BMP5: variants seen among roughly 807,000 people sequenced by gnomAD.
BMP5 encodes the protein bone morphogenetic protein 5.
Under a neutral mutation model 46.6 loss-of-function variants are expected in BMP5, and 23 were observed. The observed-to-expected ratio is 0.49, with a 90% CI of 0.35 to 0.70. The LOEUF (loss-of-function observed/expected upper bound fraction) is 0.70, where lower values mean the gene tolerates loss of function less well. BMP5 is among the 30% of genes least tolerant of loss of function. The pLI is 0.00. For synonymous variants in BMP5, 204 were observed against 191.9 expected (o/e 1.06, Z -0.52); for missense variants, 545 against 565.6 (o/e 0.96, Z 0.37).
intron 1 of BMP5, among the ~76,000 whole-genome samples, chr6:55,822,385 A>G (rs1235684723): frequency 2.0e-5 from 3 of 152,092 alleles, no homozygotes; most frequent in Non-Finnish European, 2.9e-5. Context: ...ATAAATATTT[A>G]TTGCTTTGCT....
chr6:55,845,024 T>C (rs1777062309), intron 1 of BMP5, among the ~76,000 whole-genome samples: 1 of 152,048 alleles, frequency 6.6e-6, no homozygotes, highest in Non-Finnish European at 1.5e-5. Flanking sequence ...ATATTTATTA[T>C]TGTCTATACA....
intron 4 of BMP5, among the ~76,000 whole-genome samples, chr6:55,772,442 A>G (rs187547398): frequency 2.0e-5 from 3 of 152,028 alleles, no homozygotes; most frequent in Admixed American, 2.0e-4. Context: ...TTACTATTCT[A>G]TTCAAGGTTT....
chr6:55,806,434 G>A (rs369915234), intron 2 of BMP5, among the ~76,000 whole-genome samples: 9 of 152,272 alleles, frequency 5.9e-5, no homozygotes, highest in East Asian at 5.8e-4. Flanking sequence ...CTATCTGTCC[G>A]TTTTGGTAGC....
chr6:55,764,589 A>AAG (rs1554176258), intron 4 of BMP5, among the ~76,000 whole-genome samples: 9 of 147,554 alleles, frequency 6.1e-5, no homozygotes, highest in South Asian at 2.1e-4. Context: ...AAAAAAAAAG[A>AAG]AAAAAAGAAA....
At chr6:55,824,944 A>G (rs1308067788) in intron 1 of BMP5, among the ~76,000 whole-genome samples, 3 of 152,066 alleles carry the variant, frequency 2.0e-5, no homozygotes, top group Non-Finnish European at 4.4e-5. Flanking sequence ...TATCACCATA[A>G]AAATGAAAAA....
At chr6:55,821,714 GTGATAGTGCAGACTGCCA>G (rs749286153) in intron 1 of BMP5, among the ~76,000 whole-genome samples, 2 of 152,050 alleles carry the variant, frequency 1.3e-5, no homozygotes, top group East Asian at 1.9e-4. Context: ...CTTGTCTCTG[GTGATAGTGCAGACTGCCA>G]TGATAGTGCA....
At chr6:55,862,552 A>T (rs1195000676) in intron 1 of BMP5, among the ~76,000 whole-genome samples, 1 of 152,198 alleles carries the variant, frequency 6.6e-6, no homozygotes, top group Non-Finnish European at 1.5e-5. Flanking sequence ...AAGAAGTAAG[A>T]TAGGGCCAGA....
At chr6:55,778,094 G>A (rs984939313) in intron 3 of BMP5, among the ~76,000 whole-genome samples, 2 of 152,048 alleles carry the variant, frequency 1.3e-5, no homozygotes, top group African/African-American at 4.8e-5. Context: ...GAGTTTTAAT[G>A]TGCATCAATA....
chr6:55,757,008 C>T (rs532830572), intron 6 of BMP5, among the ~76,000 whole-genome samples: 3 of 152,020 alleles, frequency 2.0e-5, no homozygotes, highest in East Asian at 3.9e-4. Flanking sequence ...TCAAACTTCA[C>T]GTGTATGCTC....
intron 2 of BMP5, among the ~76,000 whole-genome samples, chr6:55,806,454 C>T (rs1775991377): frequency 6.6e-6 from 1 of 152,144 alleles, no homozygotes; most frequent in Admixed American, 6.5e-5. Context: ...CAGTGCCATG[C>T]TGTTTTGGTT....
chr6:55,810,403 T>G (rs1296497909), intron 2 of BMP5, among the ~76,000 whole-genome samples: 1 of 152,226 alleles, frequency 6.6e-6, no homozygotes, highest in Non-Finnish European at 1.5e-5. Flanking sequence ...CAGAATTTTT[T>G]TAATTGCCAA....
rs553692650 is a variant in BMP5, at chr6:55,755,411, G to C, written c.*122C>G. The C allele has an allele frequency of 1.1e-6, 1 of 908,588 alleles. No homozygotes were observed. The highest frequency in any genetic ancestry group is 2.2e-5 in the Admixed American group (1 of 45,854). The allele number at this position is 908,588 out of a possible 1,614,324, so 56.3% of individuals were successfully genotyped here. On this transcript the variant is annotated 3_prime_UTR_variant, in exon 7 of 7. Transcript: ENST00000370830. ...ACTATATACATGATATTGTACATAG[G>C]AAAAGAGTCAAAATGAGCCAGACTA... is the stretch of plus-strand genomic sequence containing the variant.
At position 55,821,895 on chromosome 6, in the gene BMP5, G is replaced by A. The variant is rs543600935; in HGVS notation, c.491-2048C>T. On this transcript the variant is annotated intron_variant, in intron 1 of 6. Transcript: ENST00000370830. ...ACTAGCCACAACTTTTGCTTTCAGG[G>A]AACTAAATCTAACTCACTGTATTCT... 1.2e-4 allele frequency among the ~76,000 whole-genome samples: 18 copies of A among 152,200 alleles called. No homozygotes were observed. In the South Asian group the frequency reaches 3.7e-3, roughly 32 times the overall value.
At position 55,819,688 on chromosome 6, in the gene BMP5, C is replaced by G; in HGVS notation, c.650G>C (p.Ser217Thr). 1 of 1,613,358 alleles carries G rather than the reference C, an allele frequency of 6.2e-7. No homozygotes were observed. The highest frequency in any genetic ancestry group is 8.5e-7 in the Non-Finnish European group (1 of 1,179,562). The change falls in exon 2 of 7, where the codon AGC (serine) becomes ACC (threonine). Residue 217 changes from serine (S) to threonine (T), a missense_variant. By Grantham distance (58) the Ser-to-Thr change is moderately conservative (BLOSUM62 1). Transcript: ENST00000370830. ...GTATTCCTTGATGATTTGATATATG[C>G]TAATCTTAATTGTTTCATTTTCAAA... ...NRFENETIKI[S>T]IYQIIKEYTN...
At chr6:55,764,242 T>A (rs1173596664) in intron 4 of BMP5, among the ~76,000 whole-genome samples, 1 of 152,144 alleles carries the variant, frequency 6.6e-6, no homozygotes, top group Non-Finnish European at 1.5e-5. Flanking sequence ...AAAGAAAATG[T>A]GGTACATATA....
intron 3 of BMP5, among the ~76,000 whole-genome samples, chr6:55,785,565 T>C (rs1046581806): frequency 4.6e-5 from 7 of 151,836 alleles, no homozygotes; most frequent in African/African-American, 1.7e-4. Flanking sequence ...TAACAAATAC[T>C]GATTTCAGAC....
intron 1 of BMP5, among the ~76,000 whole-genome samples, chr6:55,869,556 A>G (rs1412096932): frequency 6.6e-6 from 1 of 152,116 alleles, no homozygotes. Flanking sequence ...TATAAACTAA[A>G]CAGGAATGGC....
chr6:55,835,801 GAGAC>G (rs1185329477), intron 1 of BMP5, among the ~76,000 whole-genome samples: 1 of 152,134 alleles, frequency 6.6e-6, no homozygotes, highest in African/African-American at 2.4e-5. Context: ...TCAGTGGCAA[GAGAC>G]TAAGAAAACA....
At chr6:55,829,252 T>C (rs1259418197) in intron 1 of BMP5, among the ~76,000 whole-genome samples, 3 of 151,910 alleles carry the variant, frequency 2.0e-5, no homozygotes, top group Non-Finnish European at 4.4e-5. Context: ...TTTTGCTTAC[T>C]ACCGTACACT....
Sources: allele counts gnomAD v4.1 joint callset (sites outside exome capture counted in the v4.1 genomes callset), GRCh38; gene constraint gnomAD v4.1.1; transcripts MANE v1.5; gene names NCBI Gene and HGNC (gene_info 2026-07-23, HGNC 2026-07-21).